ZMYM2: variants seen among roughly 807,000 people sequenced by gnomAD.
The protein encoded by ZMYM2 is zinc finger MYM-type containing 2.
A neutral mutation model predicts 162.8 loss-of-function variants in ZMYM2; 56 were observed. The ratio of observed to expected loss-of-function variants is 0.34; its 90% CI spans 0.28 to 0.43. The LOEUF (loss-of-function observed/expected upper bound fraction) is 0.43. Ranked by LOEUF, ZMYM2 falls within the 20% of genes least tolerant of loss-of-function variation. The pLI is 1.00. For synonymous variants in ZMYM2, 510 were observed against 541.6 expected, an observed-to-expected ratio of 0.94 and a Z score of 0.81; for missense variants, 1,275 against 1,621.8, an observed-to-expected ratio of 0.79 and a Z score of 3.67.
chr13:20,058,522 A>G (rs1194377120), intron 14 of ZMYM2, 53 bp from the exon 15 acceptor site: 5 of 1,576,578 alleles, frequency 3.2e-6, no homozygotes. Context: ...GACACTAGGA[A>G]GTATTGAAAA....
chr13:19,864,667 T>G, the ZMYM2 span: 1 of 152,582 alleles, frequency 6.6e-6, no homozygotes. Context: ...GCCTTTTTAC[T>G]GCCTGCCACC....
At chr13:20,035,949 A>G (rs975664702) in intron 11 of ZMYM2, among the ~76,000 whole-genome samples, 1 of 152,180 alleles carries the variant, frequency 6.6e-6, no homozygotes, top group African/African-American at 2.4e-5. Flanking sequence ...AATAAATTTT[A>G]TAGAAAACAA....
intron 21 of ZMYM2, among the ~76,000 whole-genome samples, chr13:20,076,065 G>A (rs1957485563): frequency 6.9e-6 from 1 of 145,830 alleles, no homozygotes; most frequent in African/African-American, 2.8e-5. Flanking sequence ...TTTCATGAAT[G>A]TGATGAAAGA....
chr13:19,922,343 GGTGAGA>G, the ZMYM2 span, among the ~76,000 whole-genome samples: 2 of 152,114 alleles, frequency 1.3e-5, no homozygotes, highest in Non-Finnish European at 2.9e-5. Flanking sequence ...TAAGCTATAG[GGTGAGA>G]GTTATAGTGT....
chr13:20,002,422 GCA>G (rs1950464624), intron 3 of ZMYM2, among the ~76,000 whole-genome samples: 1 of 152,124 alleles, frequency 6.6e-6, no homozygotes, highest in Admixed American at 6.6e-5. Context: ...GAAGAGTAAG[GCA>G]CAGTTTAAGT....
At chr13:19,983,461 T>C (rs1957535788) in intron 2 of ZMYM2, among the ~76,000 whole-genome samples, 1 of 152,030 alleles carries the variant, frequency 6.6e-6, no homozygotes, top group Admixed American at 6.6e-5. Flanking sequence ...TTTTTATATT[T>C]CTTCATTTCT....
the ZMYM2 span, among the ~76,000 whole-genome samples, chr13:19,875,562 A>G: frequency 7.6e-6 from 1 of 131,338 alleles, no homozygotes; most frequent in Non-Finnish European, 1.6e-5. Context: ...CGGGAGGCGG[A>G]GCTTGCAGTG....
chr13:19,992,608 G>T (rs977173568), intron 2 of ZMYM2, among the ~76,000 whole-genome samples: 1 of 151,972 alleles, frequency 6.6e-6, no homozygotes, highest in African/African-American at 2.4e-5. Context: ...TATAGCATGT[G>T]ACTTTATATG....
At chr13:20,050,998 C>G (rs993900141) in intron 12 of ZMYM2, among the ~76,000 whole-genome samples, 3 of 151,858 alleles carry the variant, frequency 2.0e-5, no homozygotes, top group Admixed American at 6.6e-5. Flanking sequence ...CATAAATTTC[C>G]CATCATAAGA....
chr13:19,968,805 C>G (rs1566176244), intron 2 of ZMYM2, among the ~76,000 whole-genome samples: 1 of 152,046 alleles, frequency 6.6e-6, no homozygotes, highest in Non-Finnish European at 1.5e-5. Context: ...AAAAATTAAG[C>G]CTGGACTTAA....
At chr13:19,875,390 G>A in the ZMYM2 span, among the ~76,000 whole-genome samples, 1 of 152,080 alleles carries the variant, frequency 6.6e-6, no homozygotes, top group Admixed American at 6.6e-5. Flanking sequence ...AGCACTTAGG[G>A]AGGCTGAGGC....
At chr13:19,905,998 C>T in the ZMYM2 span, among the ~76,000 whole-genome samples, 82 of 151,612 alleles carry the variant, frequency 5.4e-4, no homozygotes, top group African/African-American at 1.7e-3. Context: ...ATAAATGGGC[C>T]GGGCGTGGTG....
upstream of ZMYM2, among the ~76,000 whole-genome samples, chr13:19,958,329 G>A (rs1184700116): frequency 2.0e-5 from 3 of 152,128 alleles, no homozygotes; most frequent in Non-Finnish European, 4.4e-5. Flanking sequence ...CCCGGGCTCG[G>A]GCGAGGGCAG....
At position 20,036,720 on chromosome 13, in the gene ZMYM2, A is replaced by T. The variant is rs1953741823; in HGVS notation, c.2120-17A>T. On this transcript the variant is annotated splice_polypyrimidine_tract_variant and intron_variant, in intron 11 of 24. Coordinates refer to ENST00000610343, the MANE Select transcript of ZMYM2 (RefSeq NM_197968.4). ...ATGTGTTTTTTTGTTTTAATATATA[A>T]ATCTTATATTTTTCAGGCTGCAAAT... is the stretch of plus-strand genomic sequence containing the variant. 1.3e-6 allele frequency: 2 copies of T among 1,488,014 alleles called. No homozygotes were observed. The highest frequency in any genetic ancestry group is 1.8e-6 in the Non-Finnish European group (2 of 1,119,744). The allele number at this position is 1,488,014 out of a possible 1,614,324, so 92.2% of individuals were successfully genotyped here. A position where few individuals can be genotyped will look rare whatever the true frequency, so the allele number is the denominator to read the frequency against.
rs1566479756 is a variant in ZMYM2, at chr13:20,083,042, CAG to C, written c.3820+12_3820+13del. ...GGAACAGATAATGAAGGTAGTGTAA[CAG>C]ATTTCTATTTTTATTTTTATTTTTA... On this transcript the variant is annotated intron_variant, in intron 23 of 24. Coordinates refer to ENST00000610343, the MANE Select transcript of ZMYM2 (RefSeq NM_197968.4). 1 of 1,562,816 alleles carries C rather than the reference CAG, an allele frequency of 6.4e-7. No homozygotes were observed. The highest frequency in any genetic ancestry group is 2.1e-5 in the Admixed American group (1 of 48,534).
In ZMYM2 at chr13:19,959,971, C is replaced by T. The variant is rs960124820; in HGVS notation, c.-66C>T. The T allele has an allele frequency of 2.0e-5, 3 of 152,302 alleles. No individual in the cohort carries two copies. Among genetic ancestry groups the T allele is most frequent in the Admixed American group, 6.5e-5 (1 of 15,284 alleles). The allele number at this position is 152,302 out of a possible 1,614,324, so 9.4% of individuals were successfully genotyped here. A position where few individuals can be genotyped will look rare whatever the true frequency, so the allele number is the denominator to read the frequency against. ...CTCCTATCCCAGGACCAAGAATCGC[C>T]TTCAGCCCTGTCTGGTGCATCCTTG... On this transcript the variant is annotated 5_prime_UTR_variant, in exon 2 of 25. Transcript: ENST00000610343.
At chr13:19,971,676 A>C (rs1291624608) in intron 2 of ZMYM2, among the ~76,000 whole-genome samples, 1 of 152,150 alleles carries the variant, frequency 6.6e-6, no homozygotes, top group Non-Finnish European at 1.5e-5. Context: ...ATAGTAGTAG[A>C]GATGGGTAAA....
chr13:19,942,060 TATC>T, the ZMYM2 span, among the ~76,000 whole-genome samples: 1 of 152,202 alleles, frequency 6.6e-6, no homozygotes, highest in South Asian at 2.1e-4. Flanking sequence ...TTACTTTCTA[TATC>T]ATCAAGTGAT....
At chr13:19,885,871 A>ATGTATATACACATATATG in the ZMYM2 span, among the ~76,000 whole-genome samples, 10 of 50,214 alleles carry the variant, frequency 2.0e-4, 1 homozygote, top group Admixed American at 2.4e-4. Flanking sequence ...AAATATATAT[A>ATGTATATACACATATATG]TGTATATACA....
Sources: allele counts gnomAD v4.1 joint callset (sites outside exome capture counted in the v4.1 genomes callset), GRCh38; gene constraint gnomAD v4.1.1; transcripts MANE v1.5; gene names NCBI Gene and HGNC (gene_info 2026-07-23, HGNC 2026-07-21).